Variants in KDM2B observed in about 807,000 individuals in gnomAD.
The protein encoded by KDM2B is lysine-specific demethylase 2B.
A neutral mutation model predicts 150.0 loss-of-function variants in KDM2B; 26 were observed. The observed-to-expected ratio is 0.17, with a 90% CI of 0.13 to 0.24. The LOEUF (loss-of-function observed/expected upper bound fraction) is 0.24, where lower values mean the gene tolerates loss of function less well. KDM2B is among the 10% of genes least tolerant of loss of function. The pLI is 1.00. For synonymous variants in KDM2B, 734 were observed against 729.5 expected (o/e 1.01, Z -0.10); for missense variants, 1,265 against 1,816.9 (o/e 0.70, Z 5.52).
At chr12:121,432,672 T>C (rs1291533002) in intron 22 of KDM2B, among the ~76,000 whole-genome samples, 3 of 152,224 alleles carry the variant, frequency 2.0e-5, no homozygotes, top group African/African-American at 7.2e-5. Flanking sequence ...CTAGACATTT[T>C]CAGCAAGAAA....
intron 4 of KDM2B, among the ~76,000 whole-genome samples, chr12:121,552,863 T>A (rs1889611259): frequency 6.6e-6 from 1 of 151,986 alleles, no homozygotes; most frequent in Non-Finnish European, 1.5e-5. Flanking sequence ...AGCTCCTTCC[T>A]TACCCAGGTG....
intron 19 of KDM2B, among the ~76,000 whole-genome samples, chr12:121,441,684 G>A (rs781844475): frequency 1.3e-5 from 2 of 152,082 alleles, no homozygotes; most frequent in East Asian, 1.9e-4. Flanking sequence ...TGATCCGCCC[G>A]CAAAGCGCTA....
At chr12:121,574,955 T>C (rs1166266175) in intron 3 of KDM2B, among the ~76,000 whole-genome samples, 1 of 152,246 alleles carries the variant, frequency 6.6e-6, no homozygotes, top group African/African-American at 2.4e-5. Context: ...GCCCTCTCTA[T>C]GTCTCTTTCT....
chr12:121,569,675 A>C (rs1381417405), intron 4 of KDM2B, among the ~76,000 whole-genome samples: 1 of 152,088 alleles, frequency 6.6e-6, no homozygotes, highest in Non-Finnish European at 1.5e-5. Flanking sequence ...TGGGCATAAT[A>C]ATTCCCCAGG....
At chr12:121,570,725 T>G (rs1246206426) in intron 4 of KDM2B, among the ~76,000 whole-genome samples, 1 of 151,762 alleles carries the variant, frequency 6.6e-6, no homozygotes, top group Non-Finnish European at 1.5e-5. Context: ...CTTATGGGAG[T>G]GTAAAATGAC....
chr12:121,421,466 T>C, the KDM2B span, among the ~76,000 whole-genome samples: 3 of 148,672 alleles, frequency 2.0e-5, no homozygotes, highest in East Asian at 2.0e-4. Flanking sequence ...GGGGGGAGGA[T>C]TGCTTGAGCC....
rs1880219242 is a variant in KDM2B, at chr12:121,467,494, T to G, written c.1735-14150A>C. 3.4e-6 allele frequency: 1 copy of G among 291,328 alleles called. No individual in the cohort carries two copies. Among genetic ancestry groups the G allele is most frequent in the South Asian group, 1.3e-4 (1 of 7,774 alleles). The allele number at this position is 291,328 out of a possible 1,614,324, so 18.0% of individuals were successfully genotyped here. A position where few individuals can be genotyped will look rare whatever the true frequency, so the allele number is the denominator to read the frequency against. ...CGGGCCAATGGCGCGGCCGCGGCGC[T>G]GGGGCCGCACACAAAGGGAGCCCGG... On this transcript the variant is annotated intron_variant, in intron 12 of 22. Coordinates refer to ENST00000377071, the MANE Select transcript of KDM2B (RefSeq NM_032590.5). The surrounding 1 kb of genome is among the most constrained non-coding windows in gnomAD (Gnocchi z 5.1).
chr12:121,425,774 T>C (rs1555284141), downstream of KDM2B, among the ~76,000 whole-genome samples: 2 of 151,756 alleles, frequency 1.3e-5, no homozygotes, highest in Non-Finnish European at 2.9e-5. Context: ...CTAAACTTTT[T>C]TTTTTTTTTT....
Position 121,442,553 on chromosome 12 carries a change from T to C in KDM2B, c.2888A>G (p.Asn963Ser). Residue 963 changes from asparagine to serine, a missense_variant, in exon 19 of 23, where the codon AAC becomes AGC. Coordinates refer to ENST00000377071, the MANE Select transcript of KDM2B (RefSeq NM_032590.5). The surrounding 1 kb of genome is among the most constrained non-coding windows in gnomAD (Gnocchi z 7.7). The part of the protein sequence containing the change: ...ELNHEIQRTE[N>S]SLANENQQPI... Reference sequence around the variant, plus strand: ...CTGCTGGTTCTCGTTGGCCAGGCTGTTCTCCGTCCTCTGGATCTCGTGGTT... The same window carrying C: ...CTGCTGGTTCTCGTTGGCCAGGCTGCTCTCCGTCCTCTGGATCTCGTGGTT... 1 of 1,600,188 alleles carries C rather than the reference T, an allele frequency of 6.2e-7. No homozygotes were observed. Among genetic ancestry groups the C allele is most frequent in the Non-Finnish European group, 8.5e-7 (1 of 1,179,884 alleles).
At chr12:121,486,114 A>ATT (rs113709418) in intron 12 of KDM2B, among the ~76,000 whole-genome samples, 6 of 126,952 alleles carry the variant, frequency 4.7e-5, no homozygotes, top group African/African-American at 1.4e-4. Context: ...ATTTTACCAC[A>ATT]TTTTTTTTTT....
intron 12 of KDM2B, among the ~76,000 whole-genome samples, chr12:121,462,175 G>A (rs985137259): frequency 1.1e-4 from 16 of 152,206 alleles, no homozygotes; most frequent in African/African-American, 3.9e-4. Flanking sequence ...CGACACAGCT[G>A]TATTTATCTC....
intron 4 of KDM2B, among the ~76,000 whole-genome samples, chr12:121,569,759 T>G (rs1323623549): frequency 6.6e-6 from 1 of 152,150 alleles, no homozygotes; most frequent in Non-Finnish European, 1.5e-5. Flanking sequence ...CATTCATCGC[T>G]CCATTTGATC....
intron 12 of KDM2B, among the ~76,000 whole-genome samples, chr12:121,457,213 A>G (rs1878396637): frequency 6.6e-6 from 1 of 152,176 alleles, no homozygotes; most frequent in Admixed American, 6.5e-5. Flanking sequence ...CTGTCCTGAT[A>G]TCTTTTGGGT....
intron 6 of KDM2B, among the ~76,000 whole-genome samples, chr12:121,547,801 C>T (rs1484710053): frequency 1.3e-5 from 2 of 151,988 alleles, no homozygotes; most frequent in African/African-American, 4.8e-5. Flanking sequence ...CACCACCACA[C>T]CGGGTCAATT....
At chr12:121,556,040 C>T (rs1467771540) in intron 4 of KDM2B, among the ~76,000 whole-genome samples, 3 of 152,040 alleles carry the variant, frequency 2.0e-5, no homozygotes, top group African/African-American at 7.2e-5. Context: ...GATCCTCCTG[C>T]CTCAGCCTCC....
chr12:121,471,843 C>A (rs1880801509), intron 12 of KDM2B, among the ~76,000 whole-genome samples: 1 of 152,138 alleles, frequency 6.6e-6, no homozygotes, highest in African/African-American at 2.4e-5. Flanking sequence ...TGTAAACATG[C>A]CCCTAAGAAG....
chr12:121,575,190 G>A lies in KDM2B; in HGVS notation c.350+591C>T, dbSNP rs978035997. ...ATGCTGGAGAGAGGCTGCCTGGGACGACACCCCAAGCCTCCTCCCCTGCCC... is the reference window on the plus strand; with the variant it reads ...ATGCTGGAGAGAGGCTGCCTGGGACAACACCCCAAGCCTCCTCCCCTGCCC... On this transcript the variant is annotated intron_variant, in intron 3 of 22. Coordinates refer to ENST00000377071, the MANE Select transcript of KDM2B (RefSeq NM_032590.5). This position sits in a 1 kb window ranked among gnomAD's most constrained non-coding sequence, Gnocchi z 4.4. 1.4e-4 allele frequency among the ~76,000 whole-genome samples: 22 copies of A among 152,310 alleles called. No homozygotes were observed. Among genetic ancestry groups the A allele is most frequent in the Admixed American group, 4.6e-4 (7 of 15,300 alleles).
intron 12 of KDM2B, among the ~76,000 whole-genome samples, chr12:121,478,866 T>TTGTTTGTGTG (rs61509046): frequency 2.4e-4 from 32 of 131,214 alleles, no homozygotes; most frequent in African/African-American, 7.2e-4. Flanking sequence ...TTTTGTTTGT[T>TTGTTTGTGTG]TGTGTGTGTG....
intron 22 of KDM2B, among the ~76,000 whole-genome samples, chr12:121,436,623 G>A (rs1035543196): frequency 6.6e-6 from 1 of 152,018 alleles, no homozygotes; most frequent in East Asian, 1.9e-4. Context: ...AGGAATCAGA[G>A]GACTAGTCCA....
Sources: allele counts gnomAD v4.1 joint callset (sites outside exome capture counted in the v4.1 genomes callset), GRCh38; gene constraint gnomAD v4.1.1; non-coding constraint Gnocchi (gnomAD v3.1); transcripts MANE v1.5; gene names NCBI Gene and HGNC (gene_info 2026-07-23, HGNC 2026-07-21).